Variants in MCPH1 observed in about 807,000 individuals in gnomAD.
MCPH1 encodes the protein microcephalin.
MCPH1 carries 104 observed loss-of-function variants against 84.5 expected under a neutral mutation model. The ratio of observed to expected loss-of-function variants is 1.23; its 90% CI spans 1.05 to 1.45. MCPH1 has a LOEUF of 1.45. MCPH1 is among the 40% of genes most tolerant of loss of function. The probability of loss-of-function intolerance (pLI) is 0.00; values close to 1 mark genes in which losing one functional copy is unlikely to be tolerated. For synonymous variants in MCPH1, 514 were observed against 366.8 expected (o/e 1.40, Z -4.58); for missense variants, 1,498 against 1,005.7 (o/e 1.49, Z -6.62).
chr8:6,554,233 A>C (rs1238929738), intron 12 of MCPH1, among the ~76,000 whole-genome samples: 1 of 151,302 alleles, frequency 6.6e-6, no homozygotes, highest in Non-Finnish European at 1.5e-5. Context: ...AAGTGTGACA[A>C]ATGCCCAGGT....
intron 11 of MCPH1, among the ~76,000 whole-genome samples, chr8:6,488,658 C>G (rs1256320253): frequency 2.6e-5 from 4 of 152,132 alleles, no homozygotes; most frequent in Non-Finnish European, 5.9e-5. Context: ...ACCTGAGGCA[C>G]CGGGAGTGAG....
At chr8:6,589,997 C>T (rs542923096) in intron 12 of MCPH1, among the ~76,000 whole-genome samples, 3 of 152,050 alleles carry the variant, frequency 2.0e-5, no homozygotes, top group Non-Finnish European at 2.9e-5. Context: ...GCACTGTCCC[C>T]GAAACGATCT....
chr8:6,457,434 G>A (rs942456133), intron 9 of MCPH1, among the ~76,000 whole-genome samples: 2 of 151,568 alleles, frequency 1.3e-5, no homozygotes, highest in East Asian at 1.9e-4. Flanking sequence ...GCAAAATCCC[G>A]TCTCTACAAA....
chr8:6,476,443 A>AG lies in MCPH1; in HGVS notation c.1936-1151_1936-1150insG, dbSNP rs1158793339. Among the ~76,000 whole-genome samples, 185 of 152,062 alleles carry AG rather than the reference A, an allele frequency of 1.2e-3. 3 individuals are homozygous for AG. The East Asian group carries it at 0.03, about 25-fold the overall frequency. On this transcript the variant is annotated intron_variant, in intron 9 of 13. Coordinates refer to ENST00000344683, the MANE Select transcript of MCPH1 (RefSeq NM_024596.5). ...AAACTCCATCTCAAAAAAAAAAAAA[A>AG]AAGAAGAAGAAAAAAATTCAGTCAT... is the stretch of plus-strand genomic sequence containing the variant.
At chr8:6,406,794 CT>C in intron 1 of MCPH1, 105 bp downstream of exon 1, 1 of 1,299,972 alleles carries the variant, frequency 7.7e-7, no homozygotes, top group Non-Finnish European at 1.1e-6. Context: ...CCGCTCGCCC[CT>C]CCCTCGCTGC....
intron 2 of MCPH1, among the ~76,000 whole-genome samples, chr8:6,413,432 T>C (rs1351899653): frequency 6.6e-6 from 1 of 151,480 alleles, no homozygotes; most frequent in Non-Finnish European, 1.5e-5. Context: ...TGATCTAGAA[T>C]GCATATCCTT....
At chr8:6,597,814 C>T (rs1219322420) in intron 12 of MCPH1, among the ~76,000 whole-genome samples, 3 of 152,218 alleles carry the variant, frequency 2.0e-5, no homozygotes, top group South Asian at 2.1e-4. Context: ...CCGTGACCCA[C>T]ATCACCTTGG....
chr8:6,619,817 C>A (rs569540389), intron 12 of MCPH1, among the ~76,000 whole-genome samples: 1 of 152,196 alleles, frequency 6.6e-6, no homozygotes, highest in Non-Finnish European at 1.5e-5. Context: ...ATCTCCTGAC[C>A]TTGTGACCTG....
intron 5 of MCPH1, 68 bp downstream of exon 5, chr8:6,436,230 A>T: frequency 6.6e-7 from 1 of 1,512,174 alleles, no homozygotes; most frequent in Non-Finnish European, 9.1e-7. Flanking sequence ...TTGCATGATG[A>T]CTAGTGGGGT....
chr8:6,539,189 G>A (rs979285997), intron 12 of MCPH1, among the ~76,000 whole-genome samples: 2 of 152,188 alleles, frequency 1.3e-5, no homozygotes, highest in Admixed American at 6.5e-5. Context: ...GCCAGAGCCT[G>A]GGGGGTAGGC....
At chr8:6,529,816 A>G (rs573444449) in intron 12 of MCPH1, among the ~76,000 whole-genome samples, 4 of 151,578 alleles carry the variant, frequency 2.6e-5, no homozygotes, top group Admixed American at 2.0e-4. Context: ...AAAACTGCTT[A>G]CTTTCCATCT....
At chr8:6,461,810 C>G (rs1806328516) in intron 9 of MCPH1, among the ~76,000 whole-genome samples, 1 of 152,184 alleles carries the variant, frequency 6.6e-6, no homozygotes, top group Non-Finnish European at 1.5e-5. Context: ...TGAATATTGT[C>G]AGACACAGAA....
At position 6,568,739 on chromosome 8, in the gene MCPH1, A is replaced by T. The variant is rs150345201; in HGVS notation, c.2215-52715A>T. On this transcript the variant is annotated intron_variant, in intron 12 of 13. Transcript: ENST00000344683. ...ACATCGTTTTCCATCAGGCCTGGGC[A>T]GCCCCTCCTGAGACTGTCTCCCGCC... Among the ~76,000 whole-genome samples, 50 of 152,338 alleles carry T rather than the reference A, an allele frequency of 3.3e-4. No individual in the cohort carries two copies. In the East Asian group the frequency reaches 8.7e-3, roughly 26 times the overall value.
At chr8:6,488,786 C>T (rs539683112) in intron 11 of MCPH1, among the ~76,000 whole-genome samples, 1 of 151,990 alleles carries the variant, frequency 6.6e-6, no homozygotes, top group Non-Finnish European at 1.5e-5. Context: ...TCTCTGTGGC[C>T]TCTCAGCAAA....
chr8:6,533,569 CTTTTTT>C (rs56882906), intron 12 of MCPH1, among the ~76,000 whole-genome samples: 75 of 113,350 alleles, frequency 6.6e-4, no homozygotes, highest in South Asian at 6.5e-3. Flanking sequence ...CGTTTAGTTT[CTTTTTT>C]TTTTTTTTTT....
intron 12 of MCPH1, among the ~76,000 whole-genome samples, chr8:6,604,827 C>T (rs530498693): frequency 7.1e-4 from 108 of 152,290 alleles, no homozygotes; most frequent in African/African-American, 2.5e-3. Context: ...ATACTATGAA[C>T]AAAACTTCTT....
At chr8:6,535,275 C>G (rs906633338) in intron 12 of MCPH1, among the ~76,000 whole-genome samples, 29 of 152,140 alleles carry the variant, frequency 1.9e-4, no homozygotes, top group African/African-American at 6.5e-4. Context: ...TTGCAACTCT[C>G]CAGAGATATG....
chr8:6,408,447 C>T (rs1326874420), intron 1 of MCPH1, among the ~76,000 whole-genome samples: 1 of 151,982 alleles, frequency 6.6e-6, no homozygotes, highest in Non-Finnish European at 1.5e-5. Context: ...GTCTTGAATT[C>T]CTAGCCTCAA....
chr8:6,621,140 A>C (rs953847990), intron 12 of MCPH1: 6 of 401,582 alleles, frequency 1.5e-5, no homozygotes, highest in African/African-American at 1.2e-4. Context: ...CAGCCTAGCT[A>C]TGGCTCTGCT....
Sources: allele counts gnomAD v4.1 joint callset (sites outside exome capture counted in the v4.1 genomes callset), GRCh38; gene constraint gnomAD v4.1.1; transcripts MANE v1.5; gene names NCBI Gene and HGNC (gene_info 2026-07-23, HGNC 2026-07-21).